EPB41L4A: variants seen among roughly 807,000 people sequenced by gnomAD.
EPB41L4A encodes band 4.1-like protein 4A.
EPB41L4A carries 100 observed loss-of-function variants against 108.6 expected under a neutral mutation model. The observed-to-expected ratio is 0.92, with a 90% CI of 0.78 to 1.09. The LOEUF (loss-of-function observed/expected upper bound fraction) is 1.09, where lower values mean the gene tolerates loss of function less well. Ranked by LOEUF, EPB41L4A falls within the 50% of genes least tolerant of loss-of-function variation. The pLI, the probability that EPB41L4A is intolerant of heterozygous loss-of-function variation, is 0.00. For missense variants in EPB41L4A, 1,030 were observed against 842.7 expected, an observed-to-expected ratio of 1.22 and a Z score of -2.75; for synonymous variants, 319 against 289.0, an observed-to-expected ratio of 1.10 and a Z score of -1.05.
intron 1 of EPB41L4A, among the ~76,000 whole-genome samples, chr5:112,356,960 A>G (rs545268753): frequency 1.3e-5 from 2 of 152,358 alleles, no homozygotes; most frequent in East Asian, 1.9e-4. Context: ...TTTTAAAGAC[A>G]ATATATACCA....
chr5:112,319,289 A>G (rs930928433), intron 1 of EPB41L4A, among the ~76,000 whole-genome samples: 7 of 152,242 alleles, frequency 4.6e-5, no homozygotes, highest in African/African-American at 1.7e-4. Context: ...ATAGTGTCAG[A>G]TTACAACCCC....
intron 1 of EPB41L4A, among the ~76,000 whole-genome samples, chr5:112,326,611 G>C (rs957100611): frequency 2.6e-5 from 4 of 152,096 alleles, no homozygotes; most frequent in Non-Finnish European, 1.5e-5. Flanking sequence ...GTTCCAGTGC[G>C]CTGCTATTTC....
chr5:112,275,260 G>A lies in EPB41L4A; in HGVS notation c.335+66C>T, dbSNP rs1752546669. 4.1e-6 allele frequency: 6 copies of A among 1,474,030 alleles called. No homozygotes were observed. The South Asian group carries it at 7.9e-5, about 20-fold the overall frequency. The allele number at this position is 1,474,030 out of a possible 1,614,324, so 91.3% of individuals were successfully genotyped here. A position where few individuals can be genotyped will look rare whatever the true frequency, so the allele number is the denominator to read the frequency against. ...CAAACGTTTAGCCCAATTTTAATTT[G>A]TTTTAAATAAAGCTTTTTGTATATG... On this transcript the variant is annotated intron_variant, in intron 4 of 22. Coordinates refer to ENST00000261486, the MANE Select transcript of EPB41L4A (RefSeq NM_022140.5).
At chr5:112,364,629 T>C (rs1302634142) in intron 1 of EPB41L4A, among the ~76,000 whole-genome samples, 1 of 152,232 alleles carries the variant, frequency 6.6e-6, no homozygotes, top group Non-Finnish European at 1.5e-5. Flanking sequence ...TTAAGCATTT[T>C]TTCCCTCCTA....
chr5:112,239,466 A>G lies in EPB41L4A; in HGVS notation c.965+194T>C, dbSNP rs78271632. 4.2e-4 allele frequency: 169 copies of G among 401,056 alleles called. 2 individuals carry two copies. Among genetic ancestry groups the G allele is most frequent in the African/African-American group, 3.3e-3 (159 of 48,184 alleles). The allele number at this position is 401,056 out of a possible 1,614,324, so 24.8% of individuals were successfully genotyped here. A position where few individuals can be genotyped will look rare whatever the true frequency, so the allele number is the denominator to read the frequency against. On this transcript the variant is annotated intron_variant, in intron 11 of 22. Coordinates refer to ENST00000261486, the MANE Select transcript of EPB41L4A (RefSeq NM_022140.5). ...TAAAAGCCCACAACATAGCTAATGC[A>G]GACACTAAATATAATTAAATCTGGA... is the stretch of plus-strand genomic sequence containing the variant.
chr5:112,315,121 A>G (rs1755348122), intron 1 of EPB41L4A, among the ~76,000 whole-genome samples: 1 of 152,126 alleles, frequency 6.6e-6, no homozygotes, highest in East Asian at 1.9e-4. Context: ...GCTCTATGTC[A>G]TGGTCAAAAT....
rs1020055934 is a variant in EPB41L4A, at chr5:112,195,768, C to G, written c.1377-60G>C. 23 of 1,456,700 alleles carry G rather than the reference C, an allele frequency of 1.6e-5. No individual in the cohort carries two copies. The African/African-American group carries it at 2.8e-4, about 18-fold the overall frequency. 90.2% of individuals were successfully genotyped at this position (1,456,700 alleles called of 1,614,324 possible). On this transcript the variant is annotated intron_variant, in intron 15 of 22. Coordinates refer to ENST00000261486, the MANE Select transcript of EPB41L4A (RefSeq NM_022140.5). ...GAGATTATCAATTGGCTAAGGAAAGCACACCAAAATGAGTTTCACTTCAGT... is the reference window on the plus strand; with the variant it reads ...GAGATTATCAATTGGCTAAGGAAAGGACACCAAAATGAGTTTCACTTCAGT...
chr5:112,222,049 A>G (rs1044785201), intron 12 of EPB41L4A, among the ~76,000 whole-genome samples: 3 of 152,208 alleles, frequency 2.0e-5, no homozygotes, highest in African/African-American at 7.2e-5. Context: ...TGCAATTAAC[A>G]GTTACTGCCT....
intron 18 of EPB41L4A, among the ~76,000 whole-genome samples, chr5:112,177,924 G>A (rs145862994): frequency 2.6e-5 from 4 of 151,694 alleles, no homozygotes; most frequent in Admixed American, 6.6e-5. Context: ...AAAAACAGGC[G>A]TAATAAACCA....
At chr5:112,376,687 A>G (rs1313842859) in intron 1 of EPB41L4A, among the ~76,000 whole-genome samples, 1 of 152,176 alleles carries the variant, frequency 6.6e-6, no homozygotes, top group Non-Finnish European at 1.5e-5. Context: ...ATGGAACATT[A>G]CTCATCAATA....
chr5:112,358,692 T>C (rs1247530842), intron 1 of EPB41L4A, among the ~76,000 whole-genome samples: 3 of 152,220 alleles, frequency 2.0e-5, no homozygotes, highest in Non-Finnish European at 2.9e-5. Context: ...GATATAGCAA[T>C]TCCACTTCTA....
intron 22 of EPB41L4A, among the ~76,000 whole-genome samples, chr5:112,165,929 T>A (rs577133849): frequency 2.7e-4 from 41 of 152,352 alleles, no homozygotes; most frequent in Middle Eastern, 6.8e-3. Flanking sequence ...ATGGAATAAT[T>A]ATTCTGCCTA....
chr5:112,268,311 G>C (rs980346968), intron 4 of EPB41L4A, among the ~76,000 whole-genome samples: 11 of 152,306 alleles, frequency 7.2e-5, no homozygotes, highest in Middle Eastern at 3.4e-3. Flanking sequence ...CCAGGAGGCA[G>C]AGGTTGCCAT....
intron 1 of EPB41L4A, among the ~76,000 whole-genome samples, chr5:112,384,392 C>G (rs1760363367): frequency 1.3e-5 from 2 of 151,754 alleles, no homozygotes; most frequent in African/African-American, 4.8e-5. Context: ...CTACTTTAAC[C>G]TGAGTCCAAA....
chr5:112,236,293 C>T (rs1300877772), intron 11 of EPB41L4A, among the ~76,000 whole-genome samples: 1 of 152,168 alleles, frequency 6.6e-6, no homozygotes, highest in East Asian at 1.9e-4. Flanking sequence ...CTAGAACAAG[C>T]TTTCTGACCT....
intron 22 of EPB41L4A, among the ~76,000 whole-genome samples, chr5:112,167,786 G>A (rs995267820): frequency 3.3e-5 from 5 of 152,110 alleles, no homozygotes; most frequent in Non-Finnish European, 7.3e-5. Flanking sequence ...CTCCATTTCA[G>A]AATCTATCTA....
At chr5:112,314,534 A>AAG (rs1755290770) in intron 1 of EPB41L4A, among the ~76,000 whole-genome samples, 1 of 133,890 alleles carries the variant, frequency 7.5e-6, no homozygotes, top group African/African-American at 3.2e-5. Context: ...AAAAAAAAAA[A>AAG]AAAAGAAAAG....
chr5:112,310,719 G>A (rs919252189), intron 1 of EPB41L4A, among the ~76,000 whole-genome samples: 3 of 151,926 alleles, frequency 2.0e-5, no homozygotes, highest in Admixed American at 1.3e-4. Flanking sequence ...AGAAATTCCC[G>A]CTTTAGTCCT....
At chr5:112,179,184 T>C (rs1761024216) in intron 18 of EPB41L4A, among the ~76,000 whole-genome samples, 1 of 152,056 alleles carries the variant, frequency 6.6e-6, no homozygotes. Flanking sequence ...TCAATATCTG[T>C]CAAAGAAACT....
Sources: gnomAD v4.1 joint callset for allele counts (sites outside exome capture counted in the v4.1 genomes callset) on GRCh38, gnomAD v4.1.1 for gene constraint, MANE v1.5 for transcripts, NCBI Gene and HGNC (gene_info 2026-07-23, HGNC 2026-07-21) for gene names.